The following DLC1 variants were observed in gnomAD, a reference collection of about 807,000 sequenced individuals.
DLC1 encodes the protein rho GTPase-activating protein 7.
A neutral mutation model predicts 140.3 loss-of-function variants in DLC1; 54 were observed. That is an observed-to-expected ratio of 0.38 (90% CI 0.31 to 0.48). DLC1 has a LOEUF of 0.48. Ranked by LOEUF, DLC1 falls within the 20% of genes least tolerant of loss-of-function variation. DLC1 has a pLI of 0.96. For missense variants in DLC1, 2,536 were observed against 1,907.0 expected (o/e 1.33, Z -6.14); for synonymous variants, 986 against 728.1 (o/e 1.35, Z -5.70).
chr8:13,462,949 G>A (rs988771485), intron 2 of DLC1, among the ~76,000 whole-genome samples: 1 of 152,054 alleles, frequency 6.6e-6, no homozygotes. Context: ...GGTATCATTA[G>A]CACAAAGAAT....
intron 4 of DLC1, among the ~76,000 whole-genome samples, chr8:13,366,390 GAAACTTGC>G (rs1320750554): frequency 6.6e-6 from 1 of 152,180 alleles, no homozygotes; most frequent in Non-Finnish European, 1.5e-5. Context: ...ATGGCCCCAT[GAAACTTGC>G]AGTCTATGGA....
At chr8:13,424,564 CA>C (rs1170649641) in intron 2 of DLC1, among the ~76,000 whole-genome samples, 1 of 151,832 alleles carries the variant, frequency 6.6e-6, no homozygotes, top group Non-Finnish European at 1.5e-5. Context: ...GCTGTTGGTC[CA>C]AAATTTGTAA....
upstream of DLC1, among the ~76,000 whole-genome samples, chr8:13,519,204 T>G (rs1802690820): frequency 7.0e-6 from 1 of 143,676 alleles, no homozygotes; most frequent in African/African-American, 2.6e-5. Flanking sequence ...CTCGGCTCAC[T>G]GCAAGCTCCG....
At chr8:13,349,516 A>C (rs1353766387) in intron 4 of DLC1, among the ~76,000 whole-genome samples, 2 of 152,248 alleles carry the variant, frequency 1.3e-5, no homozygotes, top group Non-Finnish European at 2.9e-5. Context: ...CTTCTCAAAC[A>C]GAGCTGGGTC....
At chr8:13,251,401 A>G (rs1829997904) in intron 5 of DLC1, among the ~76,000 whole-genome samples, 1 of 152,140 alleles carries the variant, frequency 6.6e-6, no homozygotes, top group Non-Finnish European at 1.5e-5. Flanking sequence ...CTGGATTGAT[A>G]CCAATCTGGT....
intron 5 of DLC1, among the ~76,000 whole-genome samples, chr8:13,281,882 C>T (rs1245534150): frequency 6.6e-6 from 1 of 152,198 alleles, no homozygotes; most frequent in Non-Finnish European, 1.5e-5. Context: ...ACCTGAGCTA[C>T]AAAAAGTCAC....
chr8:13,258,233 C>G (rs941505207), intron 5 of DLC1, among the ~76,000 whole-genome samples: 2 of 152,170 alleles, frequency 1.3e-5, no homozygotes. Context: ...CCTTCACATT[C>G]TTCTTTAGGG....
intron 4 of DLC1, chr8:13,342,375 G>A (rs1004851355): frequency 6.6e-6 from 1 of 152,202 alleles, no homozygotes; most frequent in Non-Finnish European, 1.5e-5. Context: ...ATATATGATG[G>A]TTAATTTTAT....
intron 4 of DLC1, among the ~76,000 whole-genome samples, chr8:13,375,583 T>A (rs1835940855): frequency 6.6e-6 from 1 of 152,190 alleles, no homozygotes; most frequent in African/African-American, 2.4e-5. Context: ...CCCTGTCTTG[T>A]GCCATTTTTC....
intron 2 of DLC1, among the ~76,000 whole-genome samples, chr8:13,429,309 T>C (rs184188889): frequency 1.1e-4 from 16 of 152,320 alleles, no homozygotes; most frequent in South Asian, 2.1e-4. Context: ...AAACCAGTGA[T>C]GTAGAGCAGT....
chr8:13,272,198 G>A lies in DLC1; in HGVS notation c.1348+33071C>T, dbSNP rs183680970. ...CCCAGTGGCTCATGCCTGTAATCTC[G>A]GCAATTTGCGAGGCCAAAGTGGGTG... On this transcript the variant is annotated intron_variant, in intron 5 of 17. Coordinates refer to ENST00000276297, the MANE Select transcript of DLC1 (RefSeq NM_182643.3). 2.0e-4 allele frequency among the ~76,000 whole-genome samples: 30 copies of A among 151,726 alleles called. No homozygotes were observed. In the East Asian group the frequency reaches 2.9e-3, roughly 15 times the overall value.
At chr8:13,214,557 C>CTTTTTTTT in intron 5 of DLC1, 2 of 580,108 alleles carry the variant, frequency 3.4e-6, no homozygotes, top group Non-Finnish European at 3.1e-6. Context: ...CCAACCCCAC[C>CTTTTTTTT]TTTTTTTTTT....
At chr8:13,539,843 G>A (rs1803425690) in intron 1 of DLC1, among the ~76,000 whole-genome samples, 1 of 152,028 alleles carries the variant, frequency 6.6e-6, no homozygotes, top group Admixed American at 6.6e-5. Flanking sequence ...ATATTGAGAA[G>A]GGTGGGTGTA....
chr8:13,515,147 C>G (rs1802543988), upstream of DLC1, among the ~76,000 whole-genome samples: 1 of 152,224 alleles, frequency 6.6e-6, no homozygotes, highest in South Asian at 2.1e-4. Flanking sequence ...CTATCCACAA[C>G]CTTTCCACTA....
chr8:13,473,843 C>G (rs1263827379), intron 2 of DLC1, among the ~76,000 whole-genome samples: 3 of 152,116 alleles, frequency 2.0e-5, no homozygotes, highest in African/African-American at 7.2e-5. Context: ...AATTTCTAAG[C>G]AGCAAAGTAT....
chr8:13,256,824 G>A (rs1167364362), intron 5 of DLC1, among the ~76,000 whole-genome samples: 3 of 150,260 alleles, frequency 2.0e-5, no homozygotes, highest in Non-Finnish European at 4.4e-5. Context: ...AACCACCATG[G>A]CACGTGTATA....
intron 1 of DLC1, among the ~76,000 whole-genome samples, chr8:13,506,129 C>A (rs1199280146): frequency 6.6e-6 from 1 of 151,558 alleles, no homozygotes; most frequent in Non-Finnish European, 1.5e-5. Context: ...ATAAAGCAGT[C>A]CTTTGAGAAT....
intron 5 of DLC1, among the ~76,000 whole-genome samples, chr8:13,143,246 C>G (rs1361893421): frequency 6.6e-6 from 1 of 151,926 alleles, no homozygotes; most frequent in Non-Finnish European, 1.5e-5. Context: ...AATTAAATCT[C>G]AGCAAATTTC....
chr8:13,201,208 G>A (rs1273307559), intron 5 of DLC1, among the ~76,000 whole-genome samples: 1 of 151,792 alleles, frequency 6.6e-6, no homozygotes, highest in Non-Finnish European at 1.5e-5. Flanking sequence ...GAATCTTTCA[G>A]AGTTGCATTT....
Sources: gnomAD v4.1 joint callset for allele counts (sites outside exome capture counted in the v4.1 genomes callset) on GRCh38, gnomAD v4.1.1 for gene constraint, MANE v1.5 for transcripts, NCBI Gene and HGNC (gene_info 2026-07-23, HGNC 2026-07-21) for gene names.